The following MYO7B variants were observed in gnomAD, a reference collection of about 807,000 sequenced individuals.
The protein encoded by MYO7B is myosin VIIB, also known as unconventional myosin-VIIb.
MYO7B carries 212 observed loss-of-function variants against 259.7 expected under a neutral mutation model. That is an observed-to-expected ratio of 0.82 (90% CI 0.73 to 0.91). The LOEUF (loss-of-function observed/expected upper bound fraction) is 0.91, where lower values mean the gene tolerates loss of function less well. Among genes scored for constraint, MYO7B ranks in the 40% least tolerant of loss-of-function variants. The probability of loss-of-function intolerance (pLI) is 0.00; values close to 1 mark genes in which losing one functional copy is unlikely to be tolerated. For missense variants in MYO7B, 2,732 were observed against 2,813.5 expected, an observed-to-expected ratio of 0.97 and a Z score of 0.66; for synonymous variants, 1,197 against 1,166.4, an observed-to-expected ratio of 1.03 and a Z score of -0.54.
intron 28 of MYO7B, 55 bp from the exon 29 acceptor site, chr2:127,623,147 G>T: frequency 6.3e-7 from 1 of 1,594,888 alleles, no homozygotes; most frequent in Non-Finnish European, 8.5e-7. Context: ...TGGGGGGTTG[G>T]CCTCCTGTCC....
rs1343878908 is a variant in MYO7B, at chr2:127,588,528, G to A, written c.1827G>A (p.Gln609=). 1.2e-6 allele frequency: 2 copies of A among 1,613,156 alleles called. No homozygotes were observed. The highest frequency in any genetic ancestry group is 1.7e-6 in the Non-Finnish European group (2 of 1,179,874). The stretch of plus-strand genomic sequence containing the variant: ...AGCTGGGCCATGGGACCATCCGCCA[G>A]GCAAAGGCAGGAAACCATCTCTTCA... ...ETKLGHGTIR[Q]AKAGNHLFKS... Residue 609 remains glutamine (Q), a synonymous_variant, in exon 15 of 48, where the codon CAG becomes CAA. Coordinates refer to ENST00000409816, the MANE Select transcript of MYO7B (RefSeq NM_001393586.1).
At chr2:127,596,352 TCCTGGGAGAAG>T in intron 18 of MYO7B, 99 bp from the exon 19 acceptor site, 1 of 891,056 alleles carries the variant, frequency 1.1e-6, no homozygotes, top group Non-Finnish European at 1.8e-6. Flanking sequence ...TGGCCTGCCC[TCCTGGGAGAAG>T]CCTGAGAGAT....
At chr2:127,575,718 G>A (rs1413358819) in intron 7 of MYO7B, among the ~76,000 whole-genome samples, 2 of 151,926 alleles carry the variant, frequency 1.3e-5, no homozygotes, top group Non-Finnish European at 2.9e-5. Context: ...TCATTTTTTT[G>A]TTTTTGATCC....
rs1344097875 is a variant in MYO7B at position 127,637,400 on chromosome 2, G to A, written c.6412G>A (p.Ala2138Thr). 3.9e-6 allele frequency: 6 copies of A among 1,555,000 alleles called. No homozygotes were observed. The highest frequency in any genetic ancestry group is 5.2e-6 in the Non-Finnish European group (6 of 1,150,022). The change falls in exon 48 of 48, where the codon GCC becomes ACC. Residue 2138 changes from alanine to threonine, a missense_variant. Around this residue, in one of 3 missense-constraint regions of MYO7B, gnomAD observed 821 missense variants for 769.3 expected, o/e 1.07. Coordinates refer to ENST00000409816, the MANE Select transcript of MYO7B (RefSeq NM_001393586.1). ...MNKQRGSKAP[A>T]LAST ...CAAGCAGCGGGGCTCCAAGGCCCCA[G>A]CCCTGGCCAGCACCTAGCAGCGGAT...
chr2:127,548,728 C>G (rs1693332615), intron 1 of MYO7B, among the ~76,000 whole-genome samples: 1 of 152,098 alleles, frequency 6.6e-6, no homozygotes, highest in Non-Finnish European at 1.5e-5. Flanking sequence ...GATTTTTTAA[C>G]TATGCATTCA....
In MYO7B at chr2:127,630,841, C is replaced by G; in HGVS notation, c.4870C>G (p.Pro1624Ala). The G allele has an allele frequency of 1.2e-6, 2 of 1,612,698 alleles. No homozygotes were observed. Among genetic ancestry groups the G allele is most frequent in the Non-Finnish European group, 1.7e-6 (2 of 1,179,598 alleles). The change falls in exon 36 of 48, where the codon CCA becomes GCA. Residue 1624 changes from proline to alanine, a missense_variant. Pro to Ala is a conservative substitution (Grantham distance 27). This residue lies in a region of MYO7B where 821 missense variants were observed against 769.3 expected (regional missense o/e 1.07). Coordinates refer to ENST00000409816, the MANE Select transcript of MYO7B (RefSeq NM_001393586.1). ...LAAQEGQFTE[P>A]RPEEPPKEKL... ...GGCTCAGGAGGGGCAGTTCACAGAG[C>G]CACGTCCTGAGGAGCCACCCAAGGA...
Position 127,637,324 on chromosome 2 carries a change from G to C in MYO7B, c.6336G>C (p.Lys2112Asn). 1 of 1,585,184 alleles carries C rather than the reference G, an allele frequency of 6.3e-7. No homozygotes were observed. The highest frequency in any genetic ancestry group is 8.6e-7 in the Non-Finnish European group (1 of 1,165,502). The change falls in exon 48 of 48, where the codon AAG (lysine) becomes AAC (asparagine). Residue 2112 changes from lysine (K) to asparagine (N), a missense_variant. By Grantham distance (94) the Lys-to-Asn change is moderately conservative. Transcript: ENST00000409816. ...CCCCGTCCCCTGTCCAGGGCTATAA[G>C]ATGGATGACCTGCTGACCTCATATG... The part of the protein sequence containing the change: ...RLLCETSLGY[K>N]MDDLLTSYVQ...
Position 127,609,294 on chromosome 2 carries a change from T to C in MYO7B, c.2815-212T>C, listed in dbSNP as rs1156889374. Reference sequence around the variant, plus strand: ...CCAGGAGGGGAGAGGGCAGGAGCCCTGCCCCTGCCCGGCAGGGTGTGTAGA... The same window carrying C: ...CCAGGAGGGGAGAGGGCAGGAGCCCCGCCCCTGCCCGGCAGGGTGTGTAGA... On this transcript the variant is annotated intron_variant, in intron 22 of 47. Transcript: ENST00000409816. The surrounding 1 kb of genome is among the most constrained non-coding windows in gnomAD (Gnocchi z 6.9). Among the ~76,000 whole-genome samples the C allele has an allele frequency of 1.3e-5, 2 of 152,084 alleles. No homozygotes were observed. Among genetic ancestry groups the C allele is most frequent in the African/African-American group, 4.8e-5 (2 of 41,436 alleles).
chr2:127,565,284 A>C lies in MYO7B; in HGVS notation c.184A>C (p.Asn62His). 3 of 1,613,982 alleles carry C rather than the reference A, an allele frequency of 1.9e-6. No homozygotes were observed. Among genetic ancestry groups the C allele is most frequent in the Non-Finnish European group, 2.5e-6 (3 of 1,179,860 alleles). The change falls in exon 4 of 48, where the codon AAC (asparagine) becomes CAC (histidine). Residue 62 changes from asparagine to histidine, a missense_variant. Around this residue, in one of 3 missense-constraint regions of MYO7B, gnomAD observed 1,906 missense variants for 2,026.4 expected, o/e 0.94. Coordinates refer to ENST00000409816, the MANE Select transcript of MYO7B (RefSeq NM_001393586.1). ...TGGTGTCCTCAGTCCCATGCACCCC[A>C]ACTCAGTCCAGGGTGTGGACGACAT... is the stretch of plus-strand genomic sequence containing the variant. ...DFGVLSPMHP[N>H]SVQGVDDMIR...
intron 38 of MYO7B, 23 bp from the exon 39 acceptor site, chr2:127,632,223 G>T (rs569443464): frequency 1.1e-5 from 17 of 1,607,270 alleles, no homozygotes; most frequent in Non-Finnish European, 1.4e-5. Flanking sequence ...GGCCTTTCCC[G>T]GCTGACAAGT....
intron 5 of MYO7B, among the ~76,000 whole-genome samples, chr2:127,567,291 G>T (rs536911553): frequency 1.4e-4 from 21 of 151,796 alleles, no homozygotes; most frequent in Non-Finnish European, 2.6e-4. Flanking sequence ...ACTTAAAGCT[G>T]CAGGAGTTGA....
In MYO7B at chr2:127,637,533, C is replaced by T; in HGVS notation, c.*116C>T. 1.3e-6 allele frequency: 1 copy of T among 785,554 alleles called. No individual in the cohort carries two copies. The highest frequency in any genetic ancestry group is 1.7e-5 in the African/African-American group (1 of 57,654). The allele number at this position is 785,554 out of a possible 1,614,324, so 48.7% of individuals were successfully genotyped here. A position where few individuals can be genotyped will look rare whatever the true frequency, so the allele number is the denominator to read the frequency against. On this transcript the variant is annotated 3_prime_UTR_variant, in exon 48 of 48. Coordinates refer to ENST00000409816, the MANE Select transcript of MYO7B (RefSeq NM_001393586.1). ...TGGCGGGCAGCCTTCCATGCTGCCC[C>T]CCATACAAAGCCCACTCAGCCCCGC...
At position 127,627,474 on chromosome 2, in the gene MYO7B, C is replaced by G; in HGVS notation, c.4460+164C>G. On this transcript the variant is annotated intron_variant, in intron 33 of 47. Transcript: ENST00000409816. This position sits in a 1 kb window ranked among gnomAD's most constrained non-coding sequence, Gnocchi z 5.6. Reference sequence around the variant, plus strand: ...CGATGGCTTCTGTACTTCGGAGCCCCACCCTCCTGCACCAGGCCGTACTGC... The same window carrying G: ...CGATGGCTTCTGTACTTCGGAGCCCGACCCTCCTGCACCAGGCCGTACTGC... 1.1e-6 allele frequency: 1 copy of G among 915,258 alleles called. No individual in the cohort carries two copies. The highest frequency in any genetic ancestry group is 1.7e-6 in the Non-Finnish European group (1 of 584,660). 56.7% of individuals were successfully genotyped at this position (915,258 alleles called of 1,614,324 possible). A position where few individuals can be genotyped will look rare whatever the true frequency, so the allele number is the denominator to read the frequency against.
chr2:127,584,424 T>C lies in MYO7B; in HGVS notation c.1554+92T>C. On this transcript the variant is annotated intron_variant, in intron 13 of 47. Transcript: ENST00000409816. This position sits in a 1 kb window ranked among gnomAD's most constrained non-coding sequence, Gnocchi z 5.8. ...AAACTCCATTTGGGTGGGCCACTTG[T>C]TCTGAGAGTCACTAAAACCTCTGCC... 7.4e-7 allele frequency: 1 copy of C among 1,352,450 alleles called. No individual in the cohort carries two copies. 83.8% of individuals were successfully genotyped at this position (1,352,450 alleles called of 1,614,324 possible).
rs1677978958 is a variant in MYO7B, at chr2:127,559,497, C to T, written c.-23-203C>T. On this transcript the variant is annotated intron_variant, in intron 1 of 47. Coordinates refer to ENST00000409816, the MANE Select transcript of MYO7B (RefSeq NM_001393586.1). The surrounding 1 kb of genome is among the most constrained non-coding windows in gnomAD (Gnocchi z 4.1). ...TGAAATACGTCTTCAATAAAGGTGA[C>T]ATAGGATGAAGAAGCTGAGAACAGC... 6.6e-6 allele frequency among the ~76,000 whole-genome samples: 1 copy of T among 152,190 alleles called. No homozygotes were observed. Among genetic ancestry groups the T allele is most frequent in the African/African-American group, 2.4e-5 (1 of 41,436 alleles).
intron 12 of MYO7B, 84 bp downstream of exon 12, chr2:127,582,530 G>A: frequency 1.3e-6 from 2 of 1,500,102 alleles, no homozygotes; most frequent in Non-Finnish European, 1.8e-6. Flanking sequence ...AGTTGGAGGG[G>A]AGCCGTCACC....
chr2:127,537,462 C>T (rs1028646823), intron 1 of MYO7B, among the ~76,000 whole-genome samples: 6 of 152,184 alleles, frequency 3.9e-5, no homozygotes, highest in Non-Finnish European at 8.8e-5. Context: ...TTTGTGTGCC[C>T]ATTCTTGGTC....
chr2:127,625,950 T>TGGA (rs1300032105), intron 31 of MYO7B: 1 of 185,992 alleles, frequency 5.4e-6, no homozygotes, highest in Non-Finnish European at 1.1e-5. Context: ...CCAGAGTGTA[T>TGGA]GGACATTCTA....
rs1010977650 is a variant in MYO7B, at chr2:127,539,067, A to G, written c.-24+3236A>G. 1.3e-5 allele frequency among the ~76,000 whole-genome samples: 2 copies of G among 152,206 alleles called. No individual in the cohort carries two copies. The highest frequency in any genetic ancestry group is 4.8e-5 in the African/African-American group (2 of 41,462). ...CTACTCTGTTCTGGGGGCTGGGGGC[A>G]GAGTACTGAGGGTATGAAAAGGAAC... is the stretch of plus-strand genomic sequence containing the variant. On this transcript the variant is annotated intron_variant, in intron 1 of 47. Coordinates refer to ENST00000409816, the MANE Select transcript of MYO7B (RefSeq NM_001393586.1). This position sits in a 1 kb window ranked among gnomAD's most constrained non-coding sequence, Gnocchi z 4.0.
Sources: gnomAD v4.1 joint callset for allele counts (sites outside exome capture counted in the v4.1 genomes callset) on GRCh38, gnomAD v4.1.1 for gene constraint, gnomAD v4.1.1 regional missense constraint, Gnocchi (gnomAD v3.1) non-coding constraint, MANE v1.5 for transcripts, NCBI Gene and HGNC (gene_info 2026-07-23, HGNC 2026-07-21) for gene names.